HACD2: variants seen among roughly 807,000 people sequenced by gnomAD.
HACD2 encodes the protein 3-hydroxyacyl-CoA dehydratase 2, also known as very-long-chain (3R)-3-hydroxyacyl-CoA dehydratase 2.
HACD2 carries 15 observed loss-of-function variants against 31.0 expected under a neutral mutation model. The observed-to-expected ratio is 0.48, with a 90% CI of 0.32 to 0.75. HACD2 has a LOEUF of 0.75. Ranked by LOEUF, HACD2 falls within the 30% of genes least tolerant of loss-of-function variation. The pLI, the probability that HACD2 is intolerant of heterozygous loss-of-function variation, is 0.03. For missense variants in HACD2, 283 were observed against 313.0 expected, an observed-to-expected ratio of 0.90 and a Z score of 0.72; for synonymous variants, 115 against 122.2, an observed-to-expected ratio of 0.94 and a Z score of 0.39.
chr3:123,514,414 G>GA (rs1194338726), intron 4 of HACD2, among the ~76,000 whole-genome samples: 4 of 82,758 alleles, frequency 4.8e-5, no homozygotes, highest in African/African-American at 1.2e-4. Context: ...AATTACTTCA[G>GA]AAAAAATTGT....
chr3:123,549,221 A>G (rs1428442720), intron 3 of HACD2, among the ~76,000 whole-genome samples: 1 of 151,958 alleles, frequency 6.6e-6, no homozygotes, highest in Non-Finnish European at 1.5e-5. Flanking sequence ...CACCTCCAAA[A>G]ATCTATAAGA....
intron 3 of HACD2, among the ~76,000 whole-genome samples, chr3:123,530,302 G>A (rs897379475): frequency 6.6e-6 from 1 of 152,010 alleles, no homozygotes; most frequent in Admixed American, 6.6e-5. Flanking sequence ...CCAGGCTGGA[G>A]TACATGACGC....
At chr3:123,507,369 G>A (rs1487865620) in intron 4 of HACD2, among the ~76,000 whole-genome samples, 2 of 152,108 alleles carry the variant, frequency 1.3e-5, no homozygotes, top group African/African-American at 2.4e-5. Flanking sequence ...ATCAACTGGT[G>A]AATGGATAAA....
chr3:123,531,739 T>C (rs1411647631), intron 3 of HACD2, among the ~76,000 whole-genome samples: 1 of 152,228 alleles, frequency 6.6e-6, no homozygotes, highest in African/African-American at 2.4e-5. Flanking sequence ...TTATATTGTT[T>C]TTGCTTTTCT....
intron 3 of HACD2, among the ~76,000 whole-genome samples, chr3:123,541,314 A>G (rs2056488254): frequency 6.6e-6 from 1 of 152,222 alleles, no homozygotes; most frequent in Non-Finnish European, 1.5e-5. Context: ...TCTTGAAATA[A>G]CACAAGATCT....
In HACD2 at chr3:123,529,745, T is replaced by C. The variant is rs920001695; in HGVS notation, c.293-1271A>G. Among the ~76,000 whole-genome samples, 4 of 151,984 alleles carry C rather than the reference T, an allele frequency of 2.6e-5. No individual in the cohort carries two copies. The South Asian group carries it at 8.3e-4, about 32-fold the overall frequency. ...CTGTCTCAGAATAAATGAGTAAAAG[T>C]AAATAAATACATAAATAAATGTATA... On this transcript the variant is annotated intron_variant, in intron 3 of 6. Coordinates refer to ENST00000383657, the MANE Select transcript of HACD2 (RefSeq NM_198402.5).
Position 123,494,917 on chromosome 3 carries a change from G to A in HACD2, c.736C>T (p.His246Tyr). 1.9e-6 allele frequency: 3 copies of A among 1,560,520 alleles called. No individual in the cohort carries two copies. The South Asian group carries it at 3.6e-5, about 18-fold the overall frequency. Reference sequence around the variant, plus strand: ...TCAAATTTCTTGTGTTCTTCAGTATGAGAAAGGATCTTTCTTCTCTGGTGT... The same window carrying A: ...TCAAATTTCTTGTGTTCTTCAGTATAAGAAAGGATCTTTCTTCTCTGGTGT... ...MIHQRRKILSHTEEHKKFE is the reference protein window; with the variant it reads ...MIHQRRKILSYTEEHKKFE Residue 246 changes from histidine (H) to tyrosine (Y), a missense_variant, in exon 7 of 7, where the codon CAT becomes TAT. By Grantham distance (83) the His-to-Tyr change is moderately conservative (BLOSUM62 2). This residue lies in a region of HACD2 where 40 missense variants were observed against 35.1 expected (regional missense o/e 1.14). Coordinates refer to ENST00000383657, the MANE Select transcript of HACD2 (RefSeq NM_198402.5).
chr3:123,579,194 T>A (rs1206357707), intron 2 of HACD2, among the ~76,000 whole-genome samples: 1 of 152,240 alleles, frequency 6.6e-6, no homozygotes, highest in Non-Finnish European at 1.5e-5. Context: ...CTTCAAAGTC[T>A]AAGACTTGGT....
intron 3 of HACD2, among the ~76,000 whole-genome samples, chr3:123,557,919 G>T (rs995855032): frequency 1.3e-5 from 2 of 152,188 alleles, no homozygotes; most frequent in African/African-American, 2.4e-5. Flanking sequence ...TAGCAATCAT[G>T]CTCTTTGGTA....
At chr3:123,511,941 C>A (rs2056068995) in intron 4 of HACD2, among the ~76,000 whole-genome samples, 2 of 152,148 alleles carry the variant, frequency 1.3e-5, no homozygotes, top group Admixed American at 6.6e-5. Context: ...GTTGCCACCC[C>A]CTAGCTCCTC....
chr3:123,542,524 C>T (rs1252266254), intron 3 of HACD2, among the ~76,000 whole-genome samples: 1 of 152,212 alleles, frequency 6.6e-6, no homozygotes, highest in Non-Finnish European at 1.5e-5. Flanking sequence ...AGTCATTACA[C>T]ATAAAGATGT....
intron 2 of HACD2, among the ~76,000 whole-genome samples, chr3:123,575,213 G>A (rs1366989305): frequency 2.0e-5 from 3 of 151,766 alleles, no homozygotes; most frequent in Non-Finnish European, 4.4e-5. Context: ...GGGCTCAAGC[G>A]ATTCTCCTGC....
intron 6 of HACD2, chr3:123,499,394 G>C (rs914132436): frequency 1.4e-5 from 3 of 219,982 alleles, no homozygotes; most frequent in Non-Finnish European, 2.9e-5. Flanking sequence ...GATGGCCTCT[G>C]GTCGCTATGA....
At chr3:123,544,365 T>A (rs1255513189) in intron 3 of HACD2, among the ~76,000 whole-genome samples, 4 of 152,140 alleles carry the variant, frequency 2.6e-5, no homozygotes, top group African/African-American at 4.8e-5. Flanking sequence ...GGCAAATGAA[T>A]GTTCAGGTAC....
chr3:123,585,038 C>A lies in HACD2; in HGVS notation c.-11G>T. 2 of 1,473,088 alleles carry A rather than the reference C, an allele frequency of 1.4e-6. No individual in the cohort carries two copies. Among genetic ancestry groups the A allele is most frequent in the Non-Finnish European group, 1.8e-6 (2 of 1,114,324 alleles). The allele number at this position is 1,473,088 out of a possible 1,614,324, so 91.3% of individuals were successfully genotyped here. On this transcript the variant is annotated 5_prime_UTR_variant, in exon 1 of 7. Transcript: ENST00000383657. ...CGCCACTGCCGCCATGTCAAGTGCCCGAAGCCCGCTCTCCTAGCGCGAGCG... is the reference window on the plus strand; with the variant it reads ...CGCCACTGCCGCCATGTCAAGTGCCAGAAGCCCGCTCTCCTAGCGCGAGCG...
At chr3:123,495,596 TA>T (rs57926133) in intron 6 of HACD2, among the ~76,000 whole-genome samples, 19,816 of 147,878 alleles carry the variant, frequency 0.13, 1,917 homozygotes, top group East Asian at 0.27. Flanking sequence ...GTTTGGATGT[TA>T]AAAAAAAAAA....
At chr3:123,575,861 G>A (rs1293609395) in intron 2 of HACD2, among the ~76,000 whole-genome samples, 1 of 151,976 alleles carries the variant, frequency 6.6e-6, no homozygotes, top group African/African-American at 2.4e-5. Flanking sequence ...TTTTTTTGTT[G>A]TGGAACACCA....
At chr3:123,578,159 G>C (rs2056927590) in intron 2 of HACD2, among the ~76,000 whole-genome samples, 1 of 151,962 alleles carries the variant, frequency 6.6e-6, no homozygotes, top group African/African-American at 2.4e-5. Flanking sequence ...CCTTTCACAT[G>C]CATTTTTTCA....
At chr3:123,566,287 C>CT (rs879335097) in intron 3 of HACD2, among the ~76,000 whole-genome samples, 58 of 148,948 alleles carry the variant, frequency 3.9e-4, no homozygotes, top group African/African-American at 1.1e-3. Flanking sequence ...CTTTTAAATC[C>CT]TTTTTTTTTT....
Sources: gnomAD v4.1 joint callset for allele counts (sites outside exome capture counted in the v4.1 genomes callset) on GRCh38, gnomAD v4.1.1 for gene constraint, gnomAD v4.1.1 regional missense constraint, MANE v1.5 for transcripts, NCBI Gene and HGNC (gene_info 2026-07-23, HGNC 2026-07-21) for gene names.